The following SFT2D2 variants were observed in gnomAD, a reference collection of about 807,000 sequenced individuals.
SFT2D2 encodes SFT2 domain containing 2.
A neutral mutation model predicts 27.4 loss-of-function variants in SFT2D2; 21 were observed. The ratio of observed to expected loss-of-function variants is 0.77; its 90% CI spans 0.54 to 1.10. The LOEUF (loss-of-function observed/expected upper bound fraction) is 1.10. Ranked by LOEUF, SFT2D2 falls within the 50% of genes least tolerant of loss-of-function variation. The pLI, the probability that SFT2D2 is intolerant of heterozygous loss-of-function variation, is 0.00. For missense variants in SFT2D2, 187 were observed against 194.2 expected (o/e 0.96, Z 0.22); for synonymous variants, 72 against 71.7 (o/e 1.00, Z -0.02).
At position 168,246,952 on chromosome 1, in the gene SFT2D2, C is replaced by G; in HGVS notation, c.*4412C>G. On this transcript the variant is annotated 3_prime_UTR_variant, in exon 8 of 8. Transcript: ENST00000271375. ...GTGTGTATTTCCAGCCTGAGCCTGG[C>G]AATTTCATCTTGCATCAAATGGTTT... 1.5e-6 allele frequency: 1 copy of G among 646,006 alleles called. No homozygotes were observed. The highest frequency in any genetic ancestry group is 2.7e-6 in the Non-Finnish European group (1 of 363,660). The allele number at this position is 646,006 out of a possible 1,614,324, so 40.0% of individuals were successfully genotyped here.
At chr1:168,231,779 T>G in intron 2 of SFT2D2, 55 bp from the exon 3 acceptor site, 52 of 1,570,692 alleles carry the variant, frequency 3.3e-5, no homozygotes, top group Non-Finnish European at 4.5e-5. Context: ...GAGCTCTGCT[T>G]GTGTGGCCGG....
Position 168,232,213 on chromosome 1 carries a change from C to G in SFT2D2, c.236+294C>G, listed in dbSNP as rs113409850. Among the ~76,000 whole-genome samples the G allele has an allele frequency of 2.1e-3, 326 of 152,298 alleles. 3 individuals carry two copies. The highest frequency in any genetic ancestry group is 7.5e-3 in the African/African-American group (310 of 41,564). ...GTTTACAACCCAGTCCTCCTGCTTG[C>G]TGTATTCTTACTGCTGTCAGAGATT... On this transcript the variant is annotated intron_variant, in intron 3 of 7. Transcript: ENST00000271375.
At position 168,246,653 on chromosome 1, in the gene SFT2D2, A is replaced by G. The variant is rs1647821027; in HGVS notation, c.*4113A>G. 1 of 1,338,158 alleles carries G rather than the reference A, an allele frequency of 7.5e-7. No homozygotes were observed. Among genetic ancestry groups the G allele is most frequent in the South Asian group, 1.2e-5 (1 of 86,014 alleles). 82.9% of individuals were successfully genotyped at this position (1,338,158 alleles called of 1,614,324 possible). A position where few individuals can be genotyped will look rare whatever the true frequency, so the allele number is the denominator to read the frequency against. On this transcript the variant is annotated 3_prime_UTR_variant, in exon 8 of 8. Transcript: ENST00000271375. ...TCAAGCTCTTGGTCTCTTTCTGTTG[A>G]GTGACTTTGATCATGATCATGTAGA...
At chr1:168,235,773 T>A (rs892047700) in intron 4 of SFT2D2, among the ~76,000 whole-genome samples, 1 of 152,242 alleles carries the variant, frequency 6.6e-6, no homozygotes, top group East Asian at 1.9e-4. Flanking sequence ...TTCTTCCCTG[T>A]GGTTGTCAAA....
In SFT2D2 at chr1:168,250,068, C is replaced by T. The variant is rs1006674640; in HGVS notation, c.*7528C>T. On this transcript the variant is annotated 3_prime_UTR_variant, in exon 8 of 8. Transcript: ENST00000271375. The stretch of plus-strand genomic sequence containing the variant: ...CTATCCCAGACCCCACGAGTGGAGG[C>T]GTCAGGGAGGGGTTCTTGGCAGGAG... The T allele has an allele frequency of 7.2e-5, 11 of 152,122 alleles. No individual in the cohort carries two copies. Among genetic ancestry groups the T allele is most frequent in the African/African-American group, 1.4e-4 (6 of 41,416 alleles). 9.4% of individuals were successfully genotyped at this position (152,122 alleles called of 1,614,324 possible). A position where few individuals can be genotyped will look rare whatever the true frequency, so the allele number is the denominator to read the frequency against.
At chr1:168,239,888 G>C (rs963205450) in intron 7 of SFT2D2, among the ~76,000 whole-genome samples, 1 of 145,268 alleles carries the variant, frequency 6.9e-6, no homozygotes. Context: ...TAAAAAAACT[G>C]TACTGGGCCA....
At chr1:168,234,410 CAAAA>C (rs147035118) in intron 3 of SFT2D2, among the ~76,000 whole-genome samples, 2,076 of 148,566 alleles carry the variant, frequency 0.014, 51 homozygotes, top group African/African-American at 0.049. Flanking sequence ...AAAAAACAAA[CAAAA>C]AAAACCCAGC....
At chr1:168,242,083 G>C (rs1234646438) in intron 7 of SFT2D2, among the ~76,000 whole-genome samples, 1 of 152,212 alleles carries the variant, frequency 6.6e-6, no homozygotes, top group Non-Finnish European at 1.5e-5. Context: ...CCCATAGTGA[G>C]CTCCCTTCTG....
Position 168,244,683 on chromosome 1 carries a change from A to C in SFT2D2, c.*2143A>C, listed in dbSNP as rs1647760227. The C allele has an allele frequency of 6.6e-6, 1 of 152,076 alleles. No homozygotes were observed. The highest frequency in any genetic ancestry group is 2.4e-5 in the African/African-American group (1 of 41,356). The allele number at this position is 152,076 out of a possible 1,614,324, so 9.4% of individuals were successfully genotyped here. A position where few individuals can be genotyped will look rare whatever the true frequency, so the allele number is the denominator to read the frequency against. On this transcript the variant is annotated 3_prime_UTR_variant, in exon 8 of 8. Coordinates refer to ENST00000271375, the MANE Select transcript of SFT2D2 (RefSeq NM_199344.3). ...TTCACATCCCAGGTGCCTCTTGGAGACAGATCTCAGAAGGGCTGTGGTGTC... is the reference window on the plus strand; with the variant it reads ...TTCACATCCCAGGTGCCTCTTGGAGCCAGATCTCAGAAGGGCTGTGGTGTC...
Position 168,231,594 on chromosome 1 carries a change from A to G in SFT2D2, c.144A>G (p.Ser48=). Residue 48 remains serine (S), a synonymous_variant, in exon 2 of 8, where the codon TCA becomes TCG. Coordinates refer to ENST00000271375, the MANE Select transcript of SFT2D2 (RefSeq NM_199344.3). ...IACFAIGILC[S]LLGTVLLWVP... ...GTTTTGCTATAGGAATTCTCTGCTC[A>G]CTGCTGGTAAGATTTCCCTTCCTCC... 1 of 1,613,806 alleles carries G rather than the reference A, an allele frequency of 6.2e-7. No individual in the cohort carries two copies. Among genetic ancestry groups the G allele is most frequent in the South Asian group, 1.1e-5 (1 of 91,056 alleles).
intron 7 of SFT2D2, 34 bp from the exon 8 acceptor site, chr1:168,242,467 C>T (rs778108093): frequency 8.1e-6 from 13 of 1,613,704 alleles, no homozygotes; most frequent in East Asian, 4.5e-5. Context: ...GGGGTGATGA[C>T]GTTCCACTCA....
chr1:168,249,552 G>A lies in SFT2D2; in HGVS notation c.*7012G>A, dbSNP rs1310039265. On this transcript the variant is annotated 3_prime_UTR_variant, in exon 8 of 8. Coordinates refer to ENST00000271375, the MANE Select transcript of SFT2D2 (RefSeq NM_199344.3). The stretch of plus-strand genomic sequence containing the variant: ...TGCCCAGCCCCATGTCCTTTTTAAT[G>A]CCTGGATTGACTTTGTGGGACATGA... 6.6e-6 allele frequency: 1 copy of A among 152,210 alleles called. No individual in the cohort carries two copies. Among genetic ancestry groups the A allele is most frequent in the Admixed American group, 6.6e-5 (1 of 15,216 alleles). The allele number at this position is 152,210 out of a possible 1,614,324, so 9.4% of individuals were successfully genotyped here.
chr1:168,245,972 C>A lies in SFT2D2; in HGVS notation c.*3432C>A. On this transcript the variant is annotated 3_prime_UTR_variant, in exon 8 of 8. Transcript: ENST00000271375. ...TCCATTTTTCTTGAAATTGAATTCT[C>A]ATCTGACCTAATTTCTTCCTTGAAT... The A allele has an allele frequency of 1.1e-5, 2 of 175,732 alleles. No homozygotes were observed. Among genetic ancestry groups the A allele is most frequent in the South Asian group, 1.3e-4 (1 of 7,928 alleles). The allele number at this position is 175,732 out of a possible 1,614,324, so 10.9% of individuals were successfully genotyped here. A position where few individuals can be genotyped will look rare whatever the true frequency, so the allele number is the denominator to read the frequency against.
rs1462264710 is a variant in SFT2D2, at chr1:168,244,288, C to G, written c.*1748C>G. 1.3e-5 allele frequency: 2 copies of G among 152,366 alleles called. No individual in the cohort carries two copies. Among genetic ancestry groups the G allele is most frequent in the African/African-American group, 4.8e-5 (2 of 41,420 alleles). The allele number at this position is 152,366 out of a possible 1,614,324, so 9.4% of individuals were successfully genotyped here. ...CACCTCCCGGGTTCAAGCAATTCTC[C>G]TGCCTCAGCCTTCCAAGTAGCTGGG... On this transcript the variant is annotated 3_prime_UTR_variant, in exon 8 of 8. Transcript: ENST00000271375.
chr1:168,233,792 G>A (rs1281700099), intron 3 of SFT2D2, among the ~76,000 whole-genome samples: 1 of 152,024 alleles, frequency 6.6e-6, no homozygotes, highest in African/African-American at 2.4e-5. Context: ...AATAATAAAG[G>A]GAGCAAATTG....
chr1:168,232,980 T>C (rs569808011), intron 3 of SFT2D2, among the ~76,000 whole-genome samples: 8 of 152,180 alleles, frequency 5.3e-5, no homozygotes, highest in Non-Finnish European at 1.2e-4. Context: ...TCAAGGCCAT[T>C]TTCCACTGAG....
chr1:168,252,174 T>C lies in SFT2D2; in HGVS notation c.*9634T>C, dbSNP rs1381285943. 6.6e-6 allele frequency: 1 copy of C among 152,192 alleles called. No homozygotes were observed. The highest frequency in any genetic ancestry group is 2.4e-5 in the African/African-American group (1 of 41,440). The allele number at this position is 152,192 out of a possible 1,614,324, so 9.4% of individuals were successfully genotyped here. On this transcript the variant is annotated 3_prime_UTR_variant, in exon 8 of 8. Coordinates refer to ENST00000271375, the MANE Select transcript of SFT2D2 (RefSeq NM_199344.3). Reference sequence around the variant, plus strand: ...TTTCTAGCAGGAGCAGATAAACTGATAATGGTCTTAGAAATGTAGAAAATG... The same window carrying C: ...TTTCTAGCAGGAGCAGATAAACTGACAATGGTCTTAGAAATGTAGAAAATG...
chr1:168,234,398 A>AC (rs1647415218), intron 3 of SFT2D2, among the ~76,000 whole-genome samples: 1 of 151,502 alleles, frequency 6.6e-6, no homozygotes, highest in Admixed American at 6.6e-5. Context: ...ATGTCAAAAA[A>AC]AAAAAAACAA....
intron 7 of SFT2D2, among the ~76,000 whole-genome samples, chr1:168,241,246 G>T (rs1315919146): frequency 9.0e-6 from 1 of 111,630 alleles, no homozygotes; most frequent in Non-Finnish European, 1.7e-5. Flanking sequence ...CTCACTCTAT[G>T]GCCCAGGCTG....
Sources: gnomAD v4.1 joint callset for allele counts (sites outside exome capture counted in the v4.1 genomes callset) on GRCh38, gnomAD v4.1.1 for gene constraint, MANE v1.5 for transcripts, NCBI Gene and HGNC (gene_info 2026-07-23, HGNC 2026-07-21) for gene names.